KDM2A: variants seen among roughly 807,000 people sequenced by gnomAD.
KDM2A encodes the protein lysine-specific demethylase 2A.
In KDM2A, 3 loss-of-function variants were observed where a neutral mutation model predicts 137.3. That is an observed-to-expected ratio of 0.02 (90% CI 0.01 to 0.06). The LOEUF (loss-of-function observed/expected upper bound fraction) is 0.06, where lower values mean the gene tolerates loss of function less well. Ranked by LOEUF, KDM2A falls within the 10% of genes least tolerant of loss-of-function variation. The probability of loss-of-function intolerance (pLI) is 1.00; values close to 1 mark genes in which losing one functional copy is unlikely to be tolerated. For missense variants in KDM2A, 738 were observed against 1,510.6 expected (o/e 0.49, Z 8.48); for synonymous variants, 512 against 541.5 (o/e 0.95, Z 0.76).
chr11:67,170,038 G>A (rs1288741893), intron 2 of KDM2A, among the ~76,000 whole-genome samples: 1 of 152,058 alleles, frequency 6.6e-6, no homozygotes, highest in African/African-American at 2.4e-5. Context: ...TTACTGGCGT[G>A]AGTCACCATG....
At chr11:67,251,928 A>G (rs1185067460) in intron 17 of KDM2A, among the ~76,000 whole-genome samples, 1 of 152,206 alleles carries the variant, frequency 6.6e-6, no homozygotes, top group Admixed American at 6.5e-5. Flanking sequence ...TTTTCAGGGC[A>G]AGGCACATCA....
intron 2 of KDM2A, among the ~76,000 whole-genome samples, chr11:67,135,067 CTT>C (rs879775886): frequency 6.9e-6 from 1 of 145,582 alleles, no homozygotes. Flanking sequence ...ATAAGATTTT[CTT>C]TTTTTTTTTT....
intron 18 of KDM2A, 64 bp from the exon 19 acceptor site, chr11:67,253,389 C>T (rs890555844): frequency 3.4e-5 from 50 of 1,450,348 alleles, no homozygotes; most frequent in Middle Eastern, 1.8e-4. Context: ...TTGCTCAGAT[C>T]GTTACGGCTC....
chr11:67,208,490 G>A (rs1857880857), intron 6 of KDM2A, among the ~76,000 whole-genome samples: 1 of 151,992 alleles, frequency 6.6e-6, no homozygotes, highest in African/African-American at 2.4e-5. Flanking sequence ...CAACCTTGGG[G>A]CCAGGCGCAG....
intron 12 of KDM2A, among the ~76,000 whole-genome samples, chr11:67,235,144 C>CAA (rs963893914): frequency 2.8e-4 from 18 of 63,662 alleles, no homozygotes; most frequent in African/African-American, 8.2e-4. Context: ...GACTCCATCT[C>CAA]AAAAAAAAAA....
chr11:67,144,273 A>G (rs1856192752), intron 2 of KDM2A, among the ~76,000 whole-genome samples: 1 of 137,104 alleles, frequency 7.3e-6, no homozygotes, highest in Non-Finnish European at 1.6e-5. Flanking sequence ...TTTTTTCAAG[A>G]CAGAGTCTCA....
intron 10 of KDM2A, among the ~76,000 whole-genome samples, chr11:67,225,684 CGCTTGAACTCAGAG>C: frequency 6.6e-6 from 1 of 152,200 alleles, no homozygotes; most frequent in Middle Eastern, 3.4e-3. Flanking sequence ...GCAGGAAAAT[CGCTTGAACTCAGAG>C]GCACAGGTTG....
Position 67,245,911 on chromosome 11 carries a change from C to T in KDM2A, c.1834-74C>T, listed in dbSNP as rs997267568. On this transcript the variant is annotated intron_variant, in intron 14 of 20. Transcript: ENST00000529006. This position sits in a 1 kb window ranked among gnomAD's most constrained non-coding sequence, Gnocchi z 4.1. Reference sequence around the variant, plus strand: ...GAATTATAGGACCCAAATCTCCCATCTTCAGTTTAAGGGAAACTGAAATGA... The same window carrying T: ...GAATTATAGGACCCAAATCTCCCATTTTCAGTTTAAGGGAAACTGAAATGA... 23 of 1,542,172 alleles carry T rather than the reference C, an allele frequency of 1.5e-5. No individual in the cohort carries two copies. Among genetic ancestry groups the T allele is most frequent in the Non-Finnish European group, 2.0e-5 (22 of 1,124,168 alleles).
intron 6 of KDM2A, among the ~76,000 whole-genome samples, chr11:67,212,611 A>G (rs1222289419): frequency 1.3e-5 from 2 of 152,180 alleles, no homozygotes; most frequent in East Asian, 1.9e-4. Flanking sequence ...GTATTTAGCA[A>G]AGGATCTATC....
intron 5 of KDM2A, among the ~76,000 whole-genome samples, chr11:67,186,994 T>C (rs60751057): frequency 0.024 from 3,620 of 152,304 alleles, 138 homozygotes; most frequent in African/African-American, 0.08. Flanking sequence ...GGATGTGGTT[T>C]TGTGACATCA....
At chr11:67,234,512 T>G (rs1374701431) in intron 12 of KDM2A, among the ~76,000 whole-genome samples, 4 of 152,202 alleles carry the variant, frequency 2.6e-5, no homozygotes, top group African/African-American at 7.2e-5. Flanking sequence ...TCTAAGGCGT[T>G]GAAGAACAAG....
At chr11:67,211,312 T>C (rs565278831) in intron 6 of KDM2A, among the ~76,000 whole-genome samples, 7 of 151,930 alleles carry the variant, frequency 4.6e-5, no homozygotes, top group Non-Finnish European at 1.0e-4. Flanking sequence ...GTAACCACCA[T>C]AGTCAAAATA....
At chr11:67,137,309 G>T (rs943259293) in intron 2 of KDM2A, among the ~76,000 whole-genome samples, 7 of 152,208 alleles carry the variant, frequency 4.6e-5, no homozygotes, top group Admixed American at 4.6e-4. Context: ...GTAGTAATGC[G>T]TTTGGACCAA....
chr11:67,179,900 T>C (rs1857049888), intron 2 of KDM2A, among the ~76,000 whole-genome samples, 179 bp from the exon 3 acceptor site: 1 of 152,204 alleles, frequency 6.6e-6, no homozygotes, highest in Admixed American at 6.5e-5. Flanking sequence ...GAAACTTCAT[T>C]ATATTCTGTG....
chr11:67,179,946 A>G, intron 2 of KDM2A, 133 bp from the exon 3 acceptor site: 2 of 811,730 alleles, frequency 2.5e-6, no homozygotes, highest in South Asian at 2.1e-5. Flanking sequence ...AGAGAAAGAA[A>G]AGATCCATAA....
intron 2 of KDM2A, among the ~76,000 whole-genome samples, chr11:67,158,667 C>CT (rs1565382414): frequency 6.6e-6 from 1 of 151,908 alleles, no homozygotes; most frequent in Admixed American, 6.6e-5. Flanking sequence ...TTTCTTTTTT[C>CT]TTTTTTTGAA....
intron 5 of KDM2A, among the ~76,000 whole-genome samples, chr11:67,201,346 A>T (rs774536418): frequency 3.8e-4 from 58 of 152,136 alleles, no homozygotes; most frequent in Middle Eastern, 3.4e-3. Context: ...GATGCCATTA[A>T]GAACATATTT....
chr11:67,130,648 A>T (rs1855833810), intron 2 of KDM2A, among the ~76,000 whole-genome samples: 2 of 152,144 alleles, frequency 1.3e-5, no homozygotes, highest in South Asian at 4.1e-4. Flanking sequence ...TTGGGGGGGT[A>T]ACGGACACTC....
At chr11:67,180,708 A>T (rs1453852920) in intron 3 of KDM2A, among the ~76,000 whole-genome samples, 1 of 151,792 alleles carries the variant, frequency 6.6e-6, no homozygotes, top group African/African-American at 2.4e-5. Context: ...GGTGGAGTGC[A>T]GTGGTGCGAT....
Sources: allele counts gnomAD v4.1 joint callset (sites outside exome capture counted in the v4.1 genomes callset), GRCh38; gene constraint gnomAD v4.1.1; non-coding constraint Gnocchi (gnomAD v3.1); transcripts MANE v1.5; gene names NCBI Gene and HGNC (gene_info 2026-07-23, HGNC 2026-07-21).